Variants in NRG3 observed in about 807,000 individuals in gnomAD.
The protein encoded by NRG3 is neuregulin 3.
In NRG3, 31 loss-of-function variants were observed where a neutral mutation model predicts 66.9. The ratio of observed to expected loss-of-function variants is 0.46; its 90% CI spans 0.35 to 0.63. NRG3 has a LOEUF of 0.63. Ranked by LOEUF, NRG3 falls within the 20% of genes least tolerant of loss-of-function variation. The pLI is 0.00. For missense variants in NRG3, 910 were observed against 878.9 expected (o/e 1.04, Z -0.45); for synonymous variants, 393 against 359.4 (o/e 1.09, Z -1.06).
At chr10:82,378,409 C>A (rs1425445922) in intron 2 of NRG3, among the ~76,000 whole-genome samples, 1 of 152,148 alleles carries the variant, frequency 6.6e-6, no homozygotes, top group Non-Finnish European at 1.5e-5. Flanking sequence ...CACCATGTGG[C>A]AATGCAGAAG....
chr10:81,877,776 T>TC (rs1841806546), intron 1 of NRG3: 1 of 1,365,890 alleles, frequency 7.3e-7, no homozygotes, highest in Non-Finnish European at 9.4e-7. Flanking sequence ...GCTGAAGCAG[T>TC]CATTTTTGAG....
At chr10:82,720,483 A>T (rs962395874) in intron 2 of NRG3, among the ~76,000 whole-genome samples, 1 of 152,160 alleles carries the variant, frequency 6.6e-6, no homozygotes. Context: ...AGAAATAAAC[A>T]TAAGTCTCCA....
intron 1 of NRG3, among the ~76,000 whole-genome samples, chr10:82,295,421 C>T (rs116861753): frequency 0.013 from 1,955 of 152,108 alleles, 18 homozygotes; most frequent in Middle Eastern, 0.062. Context: ...AGTATGACCT[C>T]GGTGGAGCCT....
At chr10:82,776,924 T>C (rs1250758015) in intron 3 of NRG3, among the ~76,000 whole-genome samples, 1 of 152,172 alleles carries the variant, frequency 6.6e-6, no homozygotes, top group Non-Finnish European at 1.5e-5. Context: ...AATTTTCATT[T>C]ATATGGGGTT....
At chr10:82,480,402 T>G (rs1320511689) in intron 2 of NRG3, among the ~76,000 whole-genome samples, 12 of 152,220 alleles carry the variant, frequency 7.9e-5, no homozygotes, top group Non-Finnish European at 1.6e-4. Flanking sequence ...AAGGATGATA[T>G]TTCTGTATAC....
chr10:82,668,840 G>A (rs1012182895), intron 2 of NRG3, among the ~76,000 whole-genome samples: 1 of 152,086 alleles, frequency 6.6e-6, no homozygotes, highest in African/African-American at 2.4e-5. Context: ...ATGAATTTGG[G>A]AATTGTCTGC....
At chr10:82,509,647 G>A (rs1159765173) in intron 2 of NRG3, among the ~76,000 whole-genome samples, 2 of 152,168 alleles carry the variant, frequency 1.3e-5, no homozygotes, top group East Asian at 3.9e-4. Flanking sequence ...GGAGTGGCAA[G>A]ACTCCAGGAC....
intron 1 of NRG3, among the ~76,000 whole-genome samples, chr10:81,975,169 T>C (rs2133401538): frequency 6.6e-6 from 1 of 152,232 alleles, no homozygotes; most frequent in East Asian, 1.9e-4. Flanking sequence ...AAGGTGCCAG[T>C]ATCTCTACTG....
chr10:82,352,746 T>C (rs1251526744), intron 1 of NRG3, among the ~76,000 whole-genome samples: 1 of 151,942 alleles, frequency 6.6e-6, no homozygotes, highest in Non-Finnish European at 1.5e-5. Flanking sequence ...GCTTGTGTAT[T>C]GAAAGTGGGG....
chr10:82,530,832 G>A (rs559873188), intron 2 of NRG3, among the ~76,000 whole-genome samples: 5 of 151,802 alleles, frequency 3.3e-5, no homozygotes, highest in South Asian at 2.1e-4. Context: ...GTTTTTAATC[G>A]AATGAGTTTA....
At chr10:82,804,501 G>A (rs1025649309) in intron 3 of NRG3, among the ~76,000 whole-genome samples, 3 of 152,098 alleles carry the variant, frequency 2.0e-5, no homozygotes, top group East Asian at 1.9e-4. Flanking sequence ...ACAGGGGGTC[G>A]AGGATAAAAG....
At position 82,951,472 on chromosome 10, in the gene NRG3, G is replaced by A; in HGVS notation, c.1058G>A (p.Ser353Asn). The A allele has an allele frequency of 6.8e-6, 11 of 1,612,966 alleles. No homozygotes were observed. Among genetic ancestry groups the A allele is most frequent in the Non-Finnish European group, 7.6e-6 (9 of 1,179,002 alleles). Reference protein sequence around the residue: ...TDHLGIEFMESEEVYQRQVLS... With the variant: ...TDHLGIEFMENEEVYQRQVLS... The stretch of plus-strand genomic sequence containing the variant: ...ATTTTGTTTTTCAAATTCACAGAGA[G>A]TGAAGAAGTTTATCAAAGGCAGGTG... The change falls in exon 5 of 9, where the codon AGT becomes AAT. Residue 353 changes from serine to asparagine, a missense_variant. By Grantham distance (46) the Ser-to-Asn change is conservative. Coordinates refer to ENST00000372141, the MANE Select transcript of NRG3 (RefSeq NM_001010848.4).
At chr10:82,671,134 A>C (rs2053238399) in intron 2 of NRG3, among the ~76,000 whole-genome samples, 1 of 152,248 alleles carries the variant, frequency 6.6e-6, no homozygotes, top group African/African-American at 2.4e-5. Flanking sequence ...CCACACCCCA[A>C]GGTCCTCACC....
chr10:82,505,405 A>T (rs1444293751), intron 2 of NRG3, among the ~76,000 whole-genome samples: 21 of 152,242 alleles, frequency 1.4e-4, no homozygotes, highest in Admixed American at 1.4e-3. Context: ...ATTGAGAAGT[A>T]TTTCAGTGTT....
intron 2 of NRG3, among the ~76,000 whole-genome samples, chr10:82,733,529 T>C (rs1001805054): frequency 4.6e-5 from 7 of 152,204 alleles, no homozygotes; most frequent in African/African-American, 1.7e-4. Context: ...AGCAACCATA[T>C]GTTGACTGGG....
intron 1 of NRG3, among the ~76,000 whole-genome samples, chr10:82,135,845 T>TTA (rs1211412666): frequency 6.6e-6 from 1 of 152,150 alleles, no homozygotes; most frequent in Admixed American, 6.5e-5. Flanking sequence ...CACTGGTGCC[T>TTA]TATTTGGTTT....
intron 3 of NRG3, among the ~76,000 whole-genome samples, chr10:82,783,343 G>T (rs1312319255): frequency 6.6e-6 from 1 of 150,954 alleles, no homozygotes; most frequent in Non-Finnish European, 1.5e-5. Flanking sequence ...CATAGTGTTG[G>T]AAGTTCTGGC....
chr10:81,993,655 A>G (rs972486735), intron 1 of NRG3, among the ~76,000 whole-genome samples: 2 of 152,254 alleles, frequency 1.3e-5, no homozygotes, highest in Admixed American at 1.3e-4. Flanking sequence ...CAAGATTGTG[A>G]TCCAAATTCT....
At chr10:82,175,305 C>A (rs1301517577) in intron 1 of NRG3, among the ~76,000 whole-genome samples, 1 of 152,060 alleles carries the variant, frequency 6.6e-6, no homozygotes, top group Non-Finnish European at 1.5e-5. Flanking sequence ...CAAACCTGAT[C>A]TTGTCTTTCT....
Sources: allele counts gnomAD v4.1 joint callset (sites outside exome capture counted in the v4.1 genomes callset), GRCh38; gene constraint gnomAD v4.1.1; transcripts MANE v1.5; gene names NCBI Gene and HGNC (gene_info 2026-07-23, HGNC 2026-07-21).